The following HS3ST4 variants were observed in gnomAD, a reference collection of about 807,000 sequenced individuals.
HS3ST4 encodes heparan sulfate glucosamine 3-O-sulfotransferase 4.
HS3ST4 carries 17 observed loss-of-function variants against 29.2 expected under a neutral mutation model. The observed-to-expected ratio is 0.58, with a 90% CI of 0.40 to 0.87. HS3ST4 has a LOEUF of 0.87. HS3ST4 is among the 40% of genes least tolerant of loss of function. The pLI, the probability that HS3ST4 is intolerant of heterozygous loss-of-function variation, is 0.00. For synonymous variants in HS3ST4, 314 were observed against 285.7 expected, an observed-to-expected ratio of 1.10 and a Z score of -1.00; for missense variants, 627 against 634.5, an observed-to-expected ratio of 0.99 and a Z score of 0.13.
At chr16:25,903,093 T>C (rs1471531585) in intron 1 of HS3ST4, among the ~76,000 whole-genome samples, 3 of 151,450 alleles carry the variant, frequency 2.0e-5, no homozygotes, top group African/African-American at 7.3e-5. Flanking sequence ...AGGGCAATAG[T>C]AAAACATCCA....
intron 1 of HS3ST4, among the ~76,000 whole-genome samples, chr16:25,703,886 A>G (rs947286331): frequency 2.6e-5 from 4 of 152,206 alleles, no homozygotes; most frequent in Admixed American, 2.6e-4. Context: ...TACCTAATTT[A>G]AATAACTTCT....
chr16:25,884,574 G>A (rs753411467), intron 1 of HS3ST4, among the ~76,000 whole-genome samples: 4 of 152,074 alleles, frequency 2.6e-5, no homozygotes, highest in Non-Finnish European at 2.9e-5. Context: ...TTGTTGGTTT[G>A]TTTGTTTTTG....
At chr16:25,786,115 T>C (rs1966857325) in intron 1 of HS3ST4, among the ~76,000 whole-genome samples, 1 of 151,990 alleles carries the variant, frequency 6.6e-6, no homozygotes, top group African/African-American at 2.4e-5. Flanking sequence ...GGAAAATTGG[T>C]GACATTGTGA....
intron 1 of HS3ST4, among the ~76,000 whole-genome samples, chr16:25,787,331 G>C (rs1966859168): frequency 6.6e-6 from 1 of 152,224 alleles, no homozygotes; most frequent in Non-Finnish European, 1.5e-5. Flanking sequence ...AATCAGAGCT[G>C]AGGAAGTGTT....
At chr16:26,036,339 T>G (rs2141756143) in intron 1 of HS3ST4, among the ~76,000 whole-genome samples, 1 of 152,322 alleles carries the variant, frequency 6.6e-6, no homozygotes, top group African/African-American at 2.4e-5. Flanking sequence ...TTTCTGTTGG[T>G]TTCTCCCTGC....
chr16:26,132,830 C>T (rs1287710188), intron 1 of HS3ST4, among the ~76,000 whole-genome samples: 4 of 151,914 alleles, frequency 2.6e-5, no homozygotes, highest in African/African-American at 7.3e-5. Flanking sequence ...TGGAAAAGGC[C>T]GTATAAAAAT....
Position 26,136,213 on chromosome 16 carries a change from G to T in HS3ST4, c.1336G>T (p.Asp446Tyr), listed in dbSNP as rs775777458. 23 of 1,613,144 alleles carry T rather than the reference G, an allele frequency of 1.4e-5. No individual in the cohort carries two copies. Among genetic ancestry groups the T allele is most frequent in the Middle Eastern group, 1.6e-4 (1 of 6,080 alleles). ...GATGTTTTACCAAATGACTGGTCAA[G>T]ATTTTCAGTGGGAACAGGAAGAGGG... ...NLMFYQMTGQ[D>Y]FQWEQEEGDK Residue 446 changes from aspartate (D) to tyrosine (Y), a missense_variant, in exon 2 of 2, where the codon GAT (aspartate) becomes TAT (tyrosine). Physicochemically the swap from Asp to Tyr is radical, Grantham distance 160. This residue lies in a region of HS3ST4 where 225 missense variants were observed against 293.7 expected (regional missense o/e 0.77). Coordinates refer to ENST00000331351, the MANE Select transcript of HS3ST4 (RefSeq NM_006040.3).
At chr16:26,134,157 G>A (rs1413366079) in intron 1 of HS3ST4, among the ~76,000 whole-genome samples, 2 of 152,074 alleles carry the variant, frequency 1.3e-5, no homozygotes, top group Non-Finnish European at 2.9e-5. Context: ...ATGGAGGAAT[G>A]GGAGTGGAGG....
chr16:25,741,930 T>G (rs4268750), intron 1 of HS3ST4, among the ~76,000 whole-genome samples: 1 of 151,884 alleles, frequency 6.6e-6, no homozygotes, highest in Non-Finnish European at 1.5e-5. Context: ...TCCCCTGTTA[T>G]TTACTTTTTA....
At chr16:25,973,724 A>G (rs913361008) in intron 1 of HS3ST4, among the ~76,000 whole-genome samples, 22 of 152,208 alleles carry the variant, frequency 1.4e-4, no homozygotes, top group Non-Finnish European at 2.5e-4. Flanking sequence ...ACACCCCCAC[A>G]CAAATGCTGC....
intron 1 of HS3ST4, among the ~76,000 whole-genome samples, chr16:26,096,019 G>A (rs1319615163): frequency 6.6e-6 from 1 of 152,148 alleles, no homozygotes; most frequent in Non-Finnish European, 1.5e-5. Context: ...AAATCTAGAA[G>A]AAATGGATAA....
intron 1 of HS3ST4, among the ~76,000 whole-genome samples, chr16:25,934,215 T>C (rs8059339): frequency 0.57 from 86,977 of 152,016 alleles, 26,009 homozygotes; most frequent in African/African-American, 0.7. Flanking sequence ...AGTAGGTAAC[T>C]AGGCTGAGAT....
chr16:25,884,168 G>A (rs1967923700), intron 1 of HS3ST4, among the ~76,000 whole-genome samples: 1 of 152,078 alleles, frequency 6.6e-6, no homozygotes, highest in Non-Finnish European at 1.5e-5. Flanking sequence ...CTAAATCACG[G>A]AAAAAGAAGT....
chr16:25,724,112 CAAAAAAAAAA>C (rs56115380), intron 1 of HS3ST4, among the ~76,000 whole-genome samples: 2 of 77,266 alleles, frequency 2.6e-5, no homozygotes, highest in African/African-American at 9.8e-5. Context: ...GACTCCATCT[CAAAAAAAAAA>C]AAAAAAAAAA....
chr16:25,884,928 A>G (rs1967934553), intron 1 of HS3ST4, among the ~76,000 whole-genome samples: 1 of 152,182 alleles, frequency 6.6e-6, no homozygotes, highest in South Asian at 2.1e-4. Context: ...AGTGTCCAGA[A>G]CAGTGCCTGG....
chr16:26,013,814 C>G (rs1969336352), intron 1 of HS3ST4, among the ~76,000 whole-genome samples: 1 of 151,994 alleles, frequency 6.6e-6, no homozygotes, highest in Non-Finnish European at 1.5e-5. Context: ...TCGAGACCAT[C>G]CTGGCCAACA....
chr16:25,872,326 T>G (rs542077400), intron 1 of HS3ST4, among the ~76,000 whole-genome samples: 1 of 152,274 alleles, frequency 6.6e-6, no homozygotes, highest in Admixed American at 6.5e-5. Context: ...CTACTCGTGA[T>G]TCTCTGTTTT....
intron 1 of HS3ST4, among the ~76,000 whole-genome samples, chr16:26,074,143 C>T (rs1051990034): frequency 6.6e-6 from 1 of 152,150 alleles, no homozygotes; most frequent in African/African-American, 2.4e-5. Context: ...CCTCCGTGCC[C>T]CACATCATTA....
intron 1 of HS3ST4, among the ~76,000 whole-genome samples, chr16:25,915,477 A>C (rs1326842338): frequency 6.6e-6 from 1 of 152,198 alleles, no homozygotes; most frequent in Non-Finnish European, 1.5e-5. Context: ...AAATTCCAAG[A>C]GCATAACATC....
Sources: allele counts gnomAD v4.1 joint callset (sites outside exome capture counted in the v4.1 genomes callset), GRCh38; gene constraint gnomAD v4.1.1; regional missense constraint gnomAD v4.1.1; transcripts MANE v1.5; gene names NCBI Gene and HGNC (gene_info 2026-07-23, HGNC 2026-07-21).